DYRK2: variants seen among roughly 807,000 people sequenced by gnomAD.
The protein encoded by DYRK2 is dual specificity tyrosine-phosphorylation-regulated kinase 2.
In DYRK2, 12 loss-of-function variants were observed where a neutral mutation model predicts 41.6. That is an observed-to-expected ratio of 0.29 (90% CI 0.18 to 0.47). The LOEUF is 0.47. Among genes scored for constraint, DYRK2 ranks in the 20% least tolerant of loss-of-function variants. The pLI, the probability that DYRK2 is intolerant of heterozygous loss-of-function variation, is 1.00. For synonymous variants in DYRK2, 322 were observed against 315.7 expected (o/e 1.02, Z -0.21); for missense variants, 678 against 798.4 (o/e 0.85, Z 1.82).
rs561121790 is a variant in DYRK2, at chr12:67,660,532, T to G, written c.*1819T>G. The G allele has an allele frequency of 6.0e-6, 1 of 167,238 alleles. No individual in the cohort carries two copies. The highest frequency in any genetic ancestry group is 1.9e-4 in the East Asian group (1 of 5,200). The allele number at this position is 167,238 out of a possible 1,614,324, so 10.4% of individuals were successfully genotyped here. On this transcript the variant is annotated 3_prime_UTR_variant, in exon 3 of 3. Coordinates refer to ENST00000344096, the MANE Select transcript of DYRK2 (RefSeq NM_006482.3). Reference sequence around the variant, plus strand: ...TTAAGGTGTCACTGATAAATTAATTTGTACTTCTGTGTTTAGAAATTATAG... The same window carrying G: ...TTAAGGTGTCACTGATAAATTAATTGGTACTTCTGTGTTTAGAAATTATAG...
rs1423519917 is a variant in DYRK2, at chr12:67,664,136, G to A, written c.*5423G>A. 1 of 152,038 alleles carries A rather than the reference G, an allele frequency of 6.6e-6. No homozygotes were observed. Among genetic ancestry groups the A allele is most frequent in the Non-Finnish European group, 1.5e-5 (1 of 68,000 alleles). The allele number at this position is 152,038 out of a possible 1,614,324, so 9.4% of individuals were successfully genotyped here. On this transcript the variant is annotated 3_prime_UTR_variant, in exon 3 of 3. Coordinates refer to ENST00000344096, the MANE Select transcript of DYRK2 (RefSeq NM_006482.3). ...AATGAAAAATGACTGCCAGTGTGTT[G>A]CACATACATAAGAAAATTACATCTT...
At position 67,665,008 on chromosome 12, in the gene DYRK2, C is replaced by T. The variant is rs1872710969; in HGVS notation, c.*6295C>T. 1 of 152,122 alleles carries T rather than the reference C, an allele frequency of 6.6e-6. No individual in the cohort carries two copies. The highest frequency in any genetic ancestry group is 1.5e-5 in the Non-Finnish European group (1 of 68,016). 9.4% of individuals were successfully genotyped at this position (152,122 alleles called of 1,614,324 possible). A position where few individuals can be genotyped will look rare whatever the true frequency, so the allele number is the denominator to read the frequency against. On this transcript the variant is annotated 3_prime_UTR_variant, in exon 3 of 3. Coordinates refer to ENST00000344096, the MANE Select transcript of DYRK2 (RefSeq NM_006482.3). ...AAAAGTTAAATTTTACTGACTGTAG[C>T]AGCAGGTAAATCTCTTAAATTTACT... is the stretch of plus-strand genomic sequence containing the variant.
chr12:67,664,624 C>G lies in DYRK2; in HGVS notation c.*5911C>G, dbSNP rs1872702611. On this transcript the variant is annotated 3_prime_UTR_variant, in exon 3 of 3. Coordinates refer to ENST00000344096, the MANE Select transcript of DYRK2 (RefSeq NM_006482.3). The stretch of plus-strand genomic sequence containing the variant: ...TAGGTTGTAATCAGGTAATTTTGGT[C>G]TTGGACAGTAAGGGAAAATCCATAA... 6.6e-6 allele frequency: 1 copy of G among 151,996 alleles called. No individual in the cohort carries two copies. Among genetic ancestry groups the G allele is most frequent in the African/African-American group, 2.4e-5 (1 of 41,368 alleles). 9.4% of individuals were successfully genotyped at this position (151,996 alleles called of 1,614,324 possible). A position where few individuals can be genotyped will look rare whatever the true frequency, so the allele number is the denominator to read the frequency against.
rs867420742 is a variant in DYRK2 at position 67,658,498 on chromosome 12, C to T, written c.1591C>T (p.Arg531Trp). 16 of 1,609,282 alleles carry T rather than the reference C, an allele frequency of 9.9e-6. No homozygotes were observed. The highest frequency in any genetic ancestry group is 1.3e-5 in the African/African-American group (1 of 74,822). Reference protein sequence around the residue: ...AVRMTPGQALRHPWLRRRLPK... With the variant: ...AVRMTPGQALWHPWLRRRLPK... ...GCGCATGACCCCAGGCCAGGCTTTG[C>T]GGCACCCCTGGCTGAGGAGGCGGTT... Residue 531 changes from arginine (R) to tryptophan (W), a missense_variant, in exon 3 of 3, where the codon CGG (arginine) becomes TGG (tryptophan). Physicochemically the swap from Arg to Trp is moderately radical, Grantham distance 101. Around this residue, in one of 2 missense-constraint regions of DYRK2, gnomAD observed 393 missense variants for 519.1 expected, o/e 0.76. Coordinates refer to ENST00000344096, the MANE Select transcript of DYRK2 (RefSeq NM_006482.3). The surrounding 1 kb of genome is among the most constrained non-coding windows in gnomAD (Gnocchi z 4.3).
rs1872268647 is a variant in DYRK2, at chr12:67,650,017, G to C, written c.198+72G>C. ...CCCCAGGCCGAAGCACCCGGACTTG[G>C]AGGGGTCTGACGCCGGGAGAAGAGG... On this transcript the variant is annotated intron_variant, in intron 2 of 2. Transcript: ENST00000344096. 4 of 1,269,606 alleles carry C rather than the reference G, an allele frequency of 3.2e-6. No homozygotes were observed. The South Asian group carries it at 1.1e-4, about 34-fold the overall frequency. The allele number at this position is 1,269,606 out of a possible 1,614,324, so 78.6% of individuals were successfully genotyped here.
At chr12:67,651,593 T>G in intron 2 of DYRK2, 1 of 456,098 alleles carries the variant, frequency 2.2e-6, no homozygotes, top group East Asian at 6.9e-5. Context: ...TATGCCAGAT[T>G]TACTTGTTTT....
chr12:67,653,283 G>A (rs1872375562), intron 2 of DYRK2, among the ~76,000 whole-genome samples: 1 of 152,196 alleles, frequency 6.6e-6, no homozygotes, highest in African/African-American at 2.4e-5. Context: ...TTCTGGAAAT[G>A]TTCTGGCATT....
At chr12:67,652,305 G>C (rs1231668607) in intron 2 of DYRK2, among the ~76,000 whole-genome samples, 1 of 151,996 alleles carries the variant, frequency 6.6e-6, no homozygotes, top group Non-Finnish European at 1.5e-5. Context: ...TTCTATTAAT[G>C]TTAATTGGTA....
rs1872634758 is a variant in DYRK2 at position 67,661,991 on chromosome 12, CT to C, written c.*3282del. ...ATTTGGGTGCAAGGCACTTAAGCCA[CT>C]TTTAAACTTAATGGGTGGTTTGGGG... On this transcript the variant is annotated 3_prime_UTR_variant, in exon 3 of 3. Coordinates refer to ENST00000344096, the MANE Select transcript of DYRK2 (RefSeq NM_006482.3). The C allele has an allele frequency of 6.0e-6, 1 of 166,330 alleles. No individual in the cohort carries two copies. The highest frequency in any genetic ancestry group is 1.5e-5 in the Non-Finnish European group (1 of 68,092). The allele number at this position is 166,330 out of a possible 1,614,324, so 10.3% of individuals were successfully genotyped here.
intron 2 of DYRK2, among the ~76,000 whole-genome samples, chr12:67,655,629 TCAGA>T (rs780912564): frequency 2.9e-4 from 44 of 152,300 alleles, no homozygotes; most frequent in Middle Eastern, 3.4e-3. Flanking sequence ...GAAGTCACAG[TCAGA>T]CAGGCCCCAA....
rs1872262330 is a variant in DYRK2, at chr12:67,649,902, T to C, written c.155T>C (p.Leu52Pro). The C allele has an allele frequency of 2.2e-6, 3 of 1,385,542 alleles. No homozygotes were observed. The highest frequency in any genetic ancestry group is 2.8e-6 in the Non-Finnish European group (3 of 1,076,322). 85.8% of individuals were successfully genotyped at this position (1,385,542 alleles called of 1,614,324 possible). The part of the protein sequence containing the change: ...VGTGPPSPIA[L>P]PPLRASNAAA... ...ACTGGCCCGCCCTCCCCCATCGCCCTGCCGCCTCTCCGGGCCAGCAACGCT... is the reference window on the plus strand; with the variant it reads ...ACTGGCCCGCCCTCCCCCATCGCCCCGCCGCCTCTCCGGGCCAGCAACGCT... The change falls in exon 2 of 3, where the codon CTG (leucine) becomes CCG (proline). Residue 52 changes from leucine (L) to proline (P), a missense_variant. By Grantham distance (98) the Leu-to-Pro change is moderately conservative (BLOSUM62 -3). This residue lies in a region of DYRK2 where 285 missense variants were observed against 279.2 expected (regional missense o/e 1.02). Transcript: ENST00000344096.
chr12:67,657,304 C>A lies in DYRK2; in HGVS notation c.397C>A (p.Arg133=). The part of the protein sequence containing the change: ...PERQLDSIHR[R]QGSSTSLKSM... ...GCGGCAGCTGGACAGCATTCATAGA[C>A]GGCAGGGGAGCTCCACCTCTCTAAA... is the stretch of plus-strand genomic sequence containing the variant. The change falls in exon 3 of 3, where the codon CGG becomes AGG. Residue 133 remains arginine, a synonymous_variant. Coordinates refer to ENST00000344096, the MANE Select transcript of DYRK2 (RefSeq NM_006482.3). This position sits in a 1 kb window ranked among gnomAD's most constrained non-coding sequence, Gnocchi z 4.8. 6.2e-7 allele frequency: 1 copy of A among 1,613,708 alleles called. No individual in the cohort carries two copies.
At position 67,657,451 on chromosome 12, in the gene DYRK2, T is replaced by C. The variant is rs1423192672; in HGVS notation, c.544T>C (p.Tyr182His). 22 of 1,614,160 alleles carry C rather than the reference T, an allele frequency of 1.4e-5. No individual in the cohort carries two copies. The Admixed American group carries it at 2.8e-4, about 21-fold the overall frequency. ...HHEIFSYPEI[Y>H]FLGLNAKKRQ... ...TGAGATTTTCAGCTACCCTGAAATA[T>C]ATTTCTTGGGTCTAAATGCTAAGAA... The change falls in exon 3 of 3, where the codon TAT becomes CAT. Residue 182 changes from tyrosine to histidine, a missense_variant. Transcript: ENST00000344096. The surrounding 1 kb of genome is among the most constrained non-coding windows in gnomAD (Gnocchi z 4.8).
At chr12:67,656,683 T>A (rs896193910) in intron 2 of DYRK2, among the ~76,000 whole-genome samples, 8 of 152,054 alleles carry the variant, frequency 5.3e-5, no homozygotes, top group Non-Finnish European at 1.2e-4. Flanking sequence ...GTCCCTGTCT[T>A]CATGTTAATA....
At chr12:67,651,599 G>A in intron 2 of DYRK2, 1 of 456,018 alleles carries the variant, frequency 2.2e-6, no homozygotes, top group Middle Eastern at 3.3e-4. Context: ...AGATTTACTT[G>A]TTTTTAACGT....
chr12:67,656,039 G>C (rs1872459376), intron 2 of DYRK2, among the ~76,000 whole-genome samples: 1 of 152,192 alleles, frequency 6.6e-6, no homozygotes, highest in African/African-American at 2.4e-5. Flanking sequence ...GGTGGTGTAA[G>C]ATTTCATACA....
chr12:67,649,753 T>C, intron 1 of DYRK2, 44 bp from the exon 2 acceptor site: 2 of 1,306,290 alleles, frequency 1.5e-6, no homozygotes, highest in Non-Finnish European at 2.0e-6. Context: ...GGTGACTTTC[T>C]CCCCCCTGAC....
chr12:67,649,913 C>T lies in DYRK2; in HGVS notation c.166C>T (p.Arg56Trp). 2 of 1,384,098 alleles carry T rather than the reference C, an allele frequency of 1.4e-6. No homozygotes were observed. Among genetic ancestry groups the T allele is most frequent in the African/African-American group, 1.5e-5 (1 of 66,148 alleles). The allele number at this position is 1,384,098 out of a possible 1,614,324, so 85.7% of individuals were successfully genotyped here. A position where few individuals can be genotyped will look rare whatever the true frequency, so the allele number is the denominator to read the frequency against. ...PPSPIALPPL[R>W]ASNAAAAAHT... Reference sequence around the variant, plus strand: ...CTCCCCCATCGCCCTGCCGCCTCTCCGGGCCAGCAACGCTGCCGCCGCAGC... The same window carrying T: ...CTCCCCCATCGCCCTGCCGCCTCTCTGGGCCAGCAACGCTGCCGCCGCAGC... Residue 56 changes from arginine (R) to tryptophan (W), a missense_variant, in exon 2 of 3, where the codon CGG becomes TGG. By Grantham distance (101) the Arg-to-Trp change is moderately radical. Transcript: ENST00000344096.
rs952907810 is a variant in DYRK2 at position 67,648,960 on chromosome 12, C to T, written c.-174C>T. 2.8e-5 allele frequency: 12 copies of T among 429,006 alleles called. No homozygotes were observed. In the South Asian group the frequency reaches 4.2e-4, roughly 15 times the overall value. The allele number at this position is 429,006 out of a possible 1,614,324, so 26.6% of individuals were successfully genotyped here. ...GGGGCTCGCGGCGGCGGGCCCCGGC[C>T]GAGGGGATGCAGTGGACTGTGTGTG... On this transcript the variant is annotated 5_prime_UTR_variant, in exon 1 of 3. The change creates a premature stop within an existing upstream ORF in the 5' untranslated region. Transcript: ENST00000344096.
Sources: allele counts gnomAD v4.1 joint callset (sites outside exome capture counted in the v4.1 genomes callset), GRCh38; gene constraint gnomAD v4.1.1; regional missense constraint gnomAD v4.1.1; non-coding constraint Gnocchi (gnomAD v3.1); transcripts MANE v1.5; gene names NCBI Gene and HGNC (gene_info 2026-07-23, HGNC 2026-07-21).